USP9X: variants seen among roughly 807,000 people sequenced by gnomAD.
USP9X encodes the protein ubiquitin carboxyl-terminal hydrolase 9X.
Under a neutral mutation model 190.3 loss-of-function variants are expected in USP9X, and 7 were observed. That is an observed-to-expected ratio of 0.04 (90% CI 0.02 to 0.07). USP9X has a LOEUF of 0.07. Among genes scored for constraint, USP9X ranks in the 10% least tolerant of loss-of-function variants. The probability of loss-of-function intolerance (pLI) is 1.00; values close to 1 mark genes in which losing one functional copy is unlikely to be tolerated. For synonymous variants in USP9X, 645 were observed against 659.5 expected (o/e 0.98, Z 0.34); for missense variants, 1,010 against 1,916.9 (o/e 0.53, Z 8.83).
intron 1 of USP9X, among the ~76,000 whole-genome samples, chrX:41,114,018 T>G (rs933618275): frequency 8.9e-6 from 1 of 112,861 alleles, no homozygotes; most frequent in African/African-American, 3.2e-5. Context: ...CTACTGTAAT[T>G]TCATAGCCAT....
intron 33 of USP9X, among the ~76,000 whole-genome samples, chrX:41,211,056 G>A (rs73480459): frequency 0.14 from 14,873 of 109,280 alleles, 951 homozygotes; most frequent in East Asian, 0.21. Flanking sequence ...CAGTGGCATG[G>A]TCGTAACTCA....
chrX:41,139,249 A>G (rs904157551), intron 6 of USP9X, among the ~76,000 whole-genome samples: 11 of 112,483 alleles, frequency 9.8e-5, no homozygotes, highest in African/African-American at 3.5e-4. Flanking sequence ...CTCGAGTTTT[A>G]ATGGTTTTGA....
At chrX:41,122,071 A>G (rs1426981657) in intron 1 of USP9X, among the ~76,000 whole-genome samples, 2 of 110,494 alleles carry the variant, frequency 1.8e-5, no homozygotes, top group Non-Finnish European at 3.8e-5. Flanking sequence ...GAACCCTCTT[A>G]AAATTTTACC....
chrX:41,192,927 G>A (rs2062950366), intron 26 of USP9X, among the ~76,000 whole-genome samples: 1 of 111,447 alleles, frequency 9.0e-6, no homozygotes, highest in African/African-American at 3.3e-5. Context: ...TTTTTTATAG[G>A]GTAGTTGAAG....
At chrX:41,204,947 C>T (rs183795129) in intron 31 of USP9X, 141 of 125,843 alleles carry the variant, frequency 1.1e-3, no homozygotes, top group Non-Finnish European at 2.0e-3. Context: ...ATATTACCCC[C>T]ATTCACACAT....
At chrX:41,173,338 G>A (rs2062744173) in intron 21 of USP9X, among the ~76,000 whole-genome samples, 1 of 111,696 alleles carries the variant, frequency 9.0e-6, no homozygotes, top group African/African-American at 3.3e-5. Flanking sequence ...AAAACCTAAT[G>A]TTCGGCAAAA....
At chrX:41,130,109 A>C (rs972776685) in intron 3 of USP9X, among the ~76,000 whole-genome samples, 1 of 111,787 alleles carries the variant, frequency 8.9e-6, no homozygotes, top group African/African-American at 3.2e-5. Flanking sequence ...TTACTATCAT[A>C]TATGAATTGA....
chrX:41,109,262 G>A (rs920540680), intron 1 of USP9X, among the ~76,000 whole-genome samples: 1 of 111,528 alleles, frequency 9.0e-6, no homozygotes, highest in African/African-American at 3.3e-5. Flanking sequence ...GAGCATTTAC[G>A]GAGCCTTTGA....
At chrX:41,132,827 G>A (rs957432317) in intron 4 of USP9X, among the ~76,000 whole-genome samples, 4 of 109,484 alleles carry the variant, frequency 3.7e-5, no homozygotes, top group Non-Finnish European at 5.7e-5. Flanking sequence ...CTCAGTTTTT[G>A]TTTAACCAGC....
At chrX:41,091,673 C>T (rs921876038) in intron 1 of USP9X, among the ~76,000 whole-genome samples, 1 of 111,758 alleles carries the variant, frequency 8.9e-6, no homozygotes, top group African/African-American at 3.3e-5. Flanking sequence ...AATCTCATTA[C>T]AATGAGAAAT....
chrX:41,090,305 A>G (rs1307632806), intron 1 of USP9X, among the ~76,000 whole-genome samples: 2 of 111,611 alleles, frequency 1.8e-5, no homozygotes, highest in Non-Finnish European at 3.8e-5. Flanking sequence ...TTGATGTAAT[A>G]AGGAAAAAGA....
At chrX:41,151,838 G>A (rs1454592348) in intron 13 of USP9X, among the ~76,000 whole-genome samples, 3 of 112,020 alleles carry the variant, frequency 2.7e-5, no homozygotes, top group Non-Finnish European at 5.6e-5. Context: ...AAAATTAGCC[G>A]GGCGTGGTGG....
intron 32 of USP9X, among the ~76,000 whole-genome samples, chrX:41,205,891 T>C (rs1274322171): frequency 2.0e-5 from 2 of 99,528 alleles, no homozygotes; most frequent in African/African-American, 3.6e-5. Flanking sequence ...CTTTTTCTTT[T>C]TTTCTTTTTT....
intron 41 of USP9X, among the ~76,000 whole-genome samples, chrX:41,228,326 C>G (rs1238569233): frequency 8.9e-6 from 1 of 111,997 alleles, no homozygotes; most frequent in Non-Finnish European, 1.9e-5. Context: ...GTTTGTGCCC[C>G]TACAATCATG....
In USP9X at chrX:41,219,226, A is replaced by G. The variant is rs1248098928; in HGVS notation, c.6560A>G (p.Asn2187Ser). The change falls in exon 38 of 45, where the codon AAT (asparagine) becomes AGT (serine). Residue 2187 changes from asparagine to serine, a missense_variant. This residue lies in a region of USP9X where 121 missense variants were observed against 281.2 expected (regional missense o/e 0.43). Coordinates refer to ENST00000378308, the MANE Select transcript of USP9X (RefSeq NM_001039591.3). Reference sequence around the variant, plus strand: ...TTCAACCTGTTTGTAATGTATGCCAATTTAGGTAAGAATTTAAGTTTTTCA... The same window carrying G: ...TTCAACCTGTTTGTAATGTATGCCAGTTTAGGTAAGAATTTAAGTTTTTCA... ...QYFNLFVMYA[N>S]LGVAEKTQLL... The G allele has an allele frequency of 8.3e-7, 1 of 1,203,911 alleles. No individual in the cohort carries two copies. The highest frequency in any genetic ancestry group is 1.1e-6 in the Non-Finnish European group (1 of 892,965).
At chrX:41,175,380 G>C (rs2062764918) in intron 21 of USP9X, among the ~76,000 whole-genome samples, 1 of 110,513 alleles carries the variant, frequency 9.0e-6, no homozygotes, top group Admixed American at 9.7e-5. Flanking sequence ...AATTAGCCAG[G>C]TGTGGTGATG....
chrX:41,187,883 G>T, intron 24 of USP9X, 109 bp from the exon 25 acceptor site: 14 of 662,933 alleles, frequency 2.1e-5, no homozygotes, highest in Non-Finnish European at 2.4e-5. Context: ...AAAAACAATG[G>T]TACTACACAG....
chrX:41,216,660 TC>T lies in USP9X; in HGVS notation c.6085+9del, dbSNP rs2063214572. The stretch of plus-strand genomic sequence containing the variant: ...ACTTAAACCCTCCTCCCGGTGAGTA[TC>T]AAGAGAGTTTAGCTTCTTAGTAATA... On this transcript the variant is annotated intron_variant, in intron 35 of 44. Transcript: ENST00000378308. The T allele has an allele frequency of 3.4e-6, 4 of 1,187,570 alleles. No homozygotes were observed. The highest frequency in any genetic ancestry group is 1.8e-5 in the African/African-American group (1 of 56,386).
At chrX:41,193,455 G>C (rs1329127057) in intron 26 of USP9X, among the ~76,000 whole-genome samples, 25 of 111,207 alleles carry the variant, frequency 2.2e-4, no homozygotes, top group Non-Finnish European at 4.5e-4. Flanking sequence ...TTGAGGCCAG[G>C]AGTTTGAGAC....
Sources: gnomAD v4.1 joint callset for allele counts (sites outside exome capture counted in the v4.1 genomes callset) on GRCh38, gnomAD v4.1.1 for gene constraint, gnomAD v4.1.1 regional missense constraint, MANE v1.5 for transcripts, NCBI Gene and HGNC (gene_info 2026-07-23, HGNC 2026-07-21) for gene names.